Variants in ARIH1 observed in about 807,000 individuals in gnomAD.
ARIH1 encodes E3 ubiquitin-protein ligase ARIH1.
ARIH1 carries 8 observed loss-of-function variants against 85.0 expected under a neutral mutation model. The ratio of observed to expected loss-of-function variants is 0.09; its 90% CI spans 0.06 to 0.17. The LOEUF (loss-of-function observed/expected upper bound fraction) is 0.17. Ranked by LOEUF, ARIH1 falls within the 10% of genes least tolerant of loss-of-function variation. The pLI, the probability that ARIH1 is intolerant of heterozygous loss-of-function variation, is 1.00. For synonymous variants in ARIH1, 238 were observed against 253.6 expected, an observed-to-expected ratio of 0.94 and a Z score of 0.59; for missense variants, 311 against 718.1, an observed-to-expected ratio of 0.43 and a Z score of 6.48.
At chr15:72,482,717 T>A (rs750409843) in intron 1 of ARIH1, among the ~76,000 whole-genome samples, 19 of 152,020 alleles carry the variant, frequency 1.2e-4, no homozygotes, top group Non-Finnish European at 2.6e-4. Flanking sequence ...AAAACAAGGA[T>A]CTGTTATATC....
At chr15:72,525,402 A>G (rs978582830) in intron 2 of ARIH1, among the ~76,000 whole-genome samples, 22 of 152,338 alleles carry the variant, frequency 1.4e-4, no homozygotes, top group African/African-American at 4.8e-4. Context: ...TCTCAGATTG[A>G]TTAAAGGTAT....
At chr15:72,500,242 A>G (rs2063897142) in intron 1 of ARIH1, among the ~76,000 whole-genome samples, 1 of 151,820 alleles carries the variant, frequency 6.6e-6, no homozygotes. Flanking sequence ...CTACAGGCGC[A>G]CACCACCACG....
chr15:72,566,374 A>G (rs1322813956), intron 7 of ARIH1, 189 bp from the exon 8 acceptor site: 6 of 575,038 alleles, frequency 1.0e-5, no homozygotes, highest in South Asian at 7.0e-5. Context: ...AGTACCCACT[A>G]TGTGCTAGTT....
chr15:72,563,519 A>C lies in ARIH1; in HGVS notation c.911+19A>C. On this transcript the variant is annotated intron_variant, in intron 7 of 13. Coordinates refer to ENST00000379887, the MANE Select transcript of ARIH1 (RefSeq NM_005744.5). Reference sequence around the variant, plus strand: ...AATTTTGGTAAGCAAGTGATTTCCTAAATTGAAATAGTGCACAAAGCGTTT... The same window carrying C: ...AATTTTGGTAAGCAAGTGATTTCCTCAATTGAAATAGTGCACAAAGCGTTT... The C allele has an allele frequency of 6.3e-7, 1 of 1,583,704 alleles. No individual in the cohort carries two copies. Among genetic ancestry groups the C allele is most frequent in the Non-Finnish European group, 8.7e-7 (1 of 1,152,442 alleles).
intron 10 of ARIH1, among the ~76,000 whole-genome samples, chr15:72,571,451 T>C (rs2415141): frequency 0.74 from 113,023 of 152,180 alleles, 47,622 homozygotes; most frequent in Non-Finnish European, 0.93. Flanking sequence ...CCATAACTGA[T>C]GTATAGTAAC....
rs58936313 is a variant in ARIH1, at chr15:72,516,246, T to C, written c.376-1821T>C. Among the ~76,000 whole-genome samples the C allele has an allele frequency of 5.9e-3, 898 of 152,266 alleles. 9 individuals carry two copies. Among genetic ancestry groups the C allele is most frequent in the African/African-American group, 0.021 (868 of 41,542 alleles). ...TCCAGTGGTAGAAAATACAGTGTAC[T>C]GGATGCCACAAAGTTATAGTCATGC... On this transcript the variant is annotated intron_variant, in intron 1 of 13. Coordinates refer to ENST00000379887, the MANE Select transcript of ARIH1 (RefSeq NM_005744.5).
At position 72,567,088 on chromosome 15, in the gene ARIH1, G is replaced by C; in HGVS notation, c.955-18G>C. 3 of 1,588,558 alleles carry C rather than the reference G, an allele frequency of 1.9e-6. No individual in the cohort carries two copies. Among genetic ancestry groups the C allele is most frequent in the Non-Finnish European group, 2.6e-6 (3 of 1,161,658 alleles). ...AAAAGTCTTTTGTTGTATCCTAACC[G>C]TTGTTATTTTCAAACAGTGGTTAAA... On this transcript the variant is annotated intron_variant, in intron 8 of 13. Transcript: ENST00000379887.
At chr15:72,495,709 A>T (rs964262133) in intron 1 of ARIH1, among the ~76,000 whole-genome samples, 1 of 152,190 alleles carries the variant, frequency 6.6e-6, no homozygotes, top group African/African-American at 2.4e-5. Flanking sequence ...CTTGGTGAAG[A>T]CAGGTCAGAC....
intron 2 of ARIH1, among the ~76,000 whole-genome samples, chr15:72,537,026 T>TA (rs1491356888): frequency 6.6e-6 from 1 of 152,182 alleles, no homozygotes; most frequent in Non-Finnish European, 1.5e-5. Context: ...CATTTTTTTT[T>TA]AGAGATTAGC....
At chr15:72,492,285 A>G (rs1337321238) in intron 1 of ARIH1, among the ~76,000 whole-genome samples, 1 of 152,216 alleles carries the variant, frequency 6.6e-6, no homozygotes, top group African/African-American at 2.4e-5. Context: ...TAGTGGTCCA[A>G]AAAGCCCAGC....
chr15:72,501,304 G>T (rs2063902325), intron 1 of ARIH1, among the ~76,000 whole-genome samples: 1 of 152,086 alleles, frequency 6.6e-6, no homozygotes, highest in Non-Finnish European at 1.5e-5. Context: ...TTATTTAAAT[G>T]CCCACTCTTT....
chr15:72,511,411 G>T (rs563559875), intron 1 of ARIH1, among the ~76,000 whole-genome samples: 9 of 152,114 alleles, frequency 5.9e-5, no homozygotes, highest in African/African-American at 2.2e-4. Context: ...TCAAGTGATT[G>T]TCCTGCCTCA....
At chr15:72,576,733 T>C (rs930214340) in intron 11 of ARIH1, among the ~76,000 whole-genome samples, 8 of 151,984 alleles carry the variant, frequency 5.3e-5, no homozygotes, top group African/African-American at 1.2e-4. Context: ...TTGATAACAA[T>C]ATACTTTACA....
chr15:72,477,809 T>G (rs2063800377), intron 1 of ARIH1, among the ~76,000 whole-genome samples: 1 of 152,194 alleles, frequency 6.6e-6, no homozygotes, highest in Non-Finnish European at 1.5e-5. Context: ...TCAGAGTTTT[T>G]TATTTTGTTT....
At chr15:72,553,614 T>C (rs777414626) in intron 3 of ARIH1, among the ~76,000 whole-genome samples, 1 of 152,162 alleles carries the variant, frequency 6.6e-6, no homozygotes, top group Non-Finnish European at 1.5e-5. Flanking sequence ...ATTCTGGACA[T>C]TTCATATGAA....
In ARIH1 at chr15:72,584,960, T is replaced by C. The variant is rs772539229; in HGVS notation, c.*1668T>C. 3.3e-5 allele frequency: 5 copies of C among 151,532 alleles called. No homozygotes were observed. Among genetic ancestry groups the C allele is most frequent in the Non-Finnish European group, 5.9e-5 (4 of 67,962 alleles). The allele number at this position is 151,532 out of a possible 1,614,324, so 9.4% of individuals were successfully genotyped here. A position where few individuals can be genotyped will look rare whatever the true frequency, so the allele number is the denominator to read the frequency against. ...AGTTGAGGCTGAGGACCTCTTCGTC[T>C]TCCTTTAAATGTCTTTTGCCTAGGG... On this transcript the variant is annotated 3_prime_UTR_variant, in exon 14 of 14. Coordinates refer to ENST00000379887, the MANE Select transcript of ARIH1 (RefSeq NM_005744.5).
intron 3 of ARIH1, among the ~76,000 whole-genome samples, chr15:72,553,065 G>A (rs1187035884): frequency 2.0e-5 from 3 of 152,110 alleles, no homozygotes; most frequent in African/African-American, 7.2e-5. Flanking sequence ...GTGAGCCACC[G>A]CACCCGGCCT....
rs548645422 is a variant in ARIH1, at chr15:72,580,648, A to G, written c.1216-83A>G. 6.0e-6 allele frequency: 8 copies of G among 1,327,308 alleles called. No homozygotes were observed. In the South Asian group the frequency reaches 1.0e-4, roughly 17 times the overall value. The allele number at this position is 1,327,308 out of a possible 1,614,324, so 82.2% of individuals were successfully genotyped here. A position where few individuals can be genotyped will look rare whatever the true frequency, so the allele number is the denominator to read the frequency against. On this transcript the variant is annotated intron_variant, in intron 11 of 13. Transcript: ENST00000379887. The stretch of plus-strand genomic sequence containing the variant: ...TCTAACAGGTGTGAAGTGAGACTTC[A>G]TTATGGTTTTAATTTGATAATCAGC...
At chr15:72,536,070 A>G (rs1027822262) in intron 2 of ARIH1, among the ~76,000 whole-genome samples, 8 of 152,196 alleles carry the variant, frequency 5.3e-5, no homozygotes, top group East Asian at 1.9e-4. Flanking sequence ...TGAAATAGTC[A>G]TAAGCCAGAA....
Sources: allele counts gnomAD v4.1 joint callset (sites outside exome capture counted in the v4.1 genomes callset), GRCh38; gene constraint gnomAD v4.1.1; transcripts MANE v1.5; gene names NCBI Gene and HGNC (gene_info 2026-07-23, HGNC 2026-07-21).